SLC9A7: variants seen among roughly 807,000 people sequenced by gnomAD.
The protein encoded by SLC9A7 is solute carrier family 9 member A7.
Under a neutral mutation model 52.6 loss-of-function variants are expected in SLC9A7, and 19 were observed. The ratio of observed to expected loss-of-function variants is 0.36; its 90% CI spans 0.25 to 0.53. The LOEUF (loss-of-function observed/expected upper bound fraction) is 0.53. Among genes scored for constraint, SLC9A7 ranks in the 20% least tolerant of loss-of-function variants. The pLI is 0.91. For synonymous variants in SLC9A7, 226 were observed against 252.1 expected (o/e 0.90, Z 0.98); for missense variants, 455 against 597.9 (o/e 0.76, Z 2.49).
chrX:46,645,159 T>C (rs1028687028), intron 11 of SLC9A7, among the ~76,000 whole-genome samples: 1 of 112,683 alleles, frequency 8.9e-6, no homozygotes, highest in Non-Finnish European at 1.9e-5. Context: ...GGAGATATCA[T>C]TAAACAGCAC....
chrX:46,653,610 T>A lies in SLC9A7; in HGVS notation c.1146A>T (p.Thr382=), dbSNP rs139984049. Residue 382 remains threonine (T), a splice_region_variant and synonymous_variant, in exon 8 of 17, where the codon ACA becomes ACT. Coordinates refer to ENST00000616978, the MANE Select transcript of SLC9A7 (RefSeq NM_001257291.2). ...GGTCCAAGAGTAGAAAAAACCTACC[T>A]GTAAATCCGCAGGCTTCTGCCAAGA... ...TFLLAEACGF[T]GVVAVLFCGI... The A allele has an allele frequency of 4.2e-6, 5 of 1,201,455 alleles. No individual in the cohort carries two copies. The African/African-American group carries it at 8.8e-5, about 21-fold the overall frequency.
At chrX:46,616,238 T>G (rs1942947446) in intron 15 of SLC9A7, among the ~76,000 whole-genome samples, 1 of 105,703 alleles carries the variant, frequency 9.5e-6, no homozygotes, top group South Asian at 4.3e-4. Flanking sequence ...GAGGATCACT[T>G]GAGCCTAGGG....
chrX:46,723,845 T>G (rs1944901287), intron 1 of SLC9A7, among the ~76,000 whole-genome samples: 1 of 111,955 alleles, frequency 8.9e-6, no homozygotes, highest in Non-Finnish European at 1.9e-5. Context: ...CCCAGCAATT[T>G]GGGAGGCTGA....
At chrX:46,627,233 G>A (rs755141693) in intron 14 of SLC9A7, among the ~76,000 whole-genome samples, 2 of 110,335 alleles carry the variant, frequency 1.8e-5, no homozygotes, top group Admixed American at 9.5e-5. Context: ...AGGATCCCTC[G>A]GGCCCAAGAG....
rs764957775 is a variant in SLC9A7 at position 46,606,924 on chromosome X, C to G, written c.*28G>C. ...TGTCCTCACCCCATCGGGAGCCTAC[C>G]CCATCGCGCCAGGGCTTGGGGGGAA... On this transcript the variant is annotated 3_prime_UTR_variant, in exon 17 of 17. Transcript: ENST00000616978. The G allele has an allele frequency of 3.1e-5, 38 of 1,208,155 alleles. No homozygotes were observed. Among genetic ancestry groups the G allele is most frequent in the Non-Finnish European group, 4.1e-5 (37 of 894,162 alleles).
At chrX:46,730,778 A>G (rs1329524658) in intron 1 of SLC9A7, among the ~76,000 whole-genome samples, 1 of 98,027 alleles carries the variant, frequency 1.0e-5, no homozygotes, top group Non-Finnish European at 2.1e-5. Context: ...AAACTTAGGA[A>G]ATGTACAAAA....
At chrX:46,656,666 T>C (rs1283633537) in intron 7 of SLC9A7, among the ~76,000 whole-genome samples, 1 of 111,120 alleles carries the variant, frequency 9.0e-6, no homozygotes, top group Non-Finnish European at 1.9e-5. Context: ...AAAGGAAGTT[T>C]AGAGAAAAAA....
chrX:46,671,906 G>C (rs1369504189), intron 4 of SLC9A7, among the ~76,000 whole-genome samples: 1 of 111,974 alleles, frequency 8.9e-6, no homozygotes, highest in Non-Finnish European at 1.9e-5. Flanking sequence ...CAGTCAAAGA[G>C]GGAGTGGGAG....
At chrX:46,689,928 T>C (rs181670697) in intron 1 of SLC9A7, among the ~76,000 whole-genome samples, 3 of 111,715 alleles carry the variant, frequency 2.7e-5, no homozygotes, top group African/African-American at 9.8e-5. Flanking sequence ...GCTTCATCCA[T>C]GTCCTTGCAA....
At chrX:46,714,767 T>G (rs1016266249) in intron 1 of SLC9A7, among the ~76,000 whole-genome samples, 1 of 112,012 alleles carries the variant, frequency 8.9e-6, no homozygotes, top group Non-Finnish European at 1.9e-5. Context: ...ATAAGTAGAT[T>G]ACATGGTATG....
At chrX:46,738,101 AAGAAAGAG>A (rs1921008064) in intron 1 of SLC9A7, among the ~76,000 whole-genome samples, 4 of 49,146 alleles carry the variant, frequency 8.1e-5, no homozygotes, top group South Asian at 7.2e-4. Flanking sequence ...GAAAGAAAGA[AAGAAAGAG>A]AAAAGAAAAG....
chrX:46,657,137 A>AG (rs1943713851), intron 7 of SLC9A7, among the ~76,000 whole-genome samples: 1 of 110,141 alleles, frequency 9.1e-6, no homozygotes, highest in Non-Finnish European at 1.9e-5. Flanking sequence ...TCATAAGTGA[A>AG]GGGGAAATAA....
In SLC9A7 at chrX:46,682,210, A is replaced by C. The variant is rs931553362; in HGVS notation, c.525+126T>G. Reference sequence around the variant, plus strand: ...TCATGGACCAAAAAGCTTTGTAACAAAACAGAGAGCCAGGAATGTTACGGA... The same window carrying C: ...TCATGGACCAAAAAGCTTTGTAACACAACAGAGAGCCAGGAATGTTACGGA... On this transcript the variant is annotated intron_variant, in intron 2 of 16. Transcript: ENST00000616978. 7 of 666,755 alleles carry C rather than the reference A, an allele frequency of 1.0e-5. No homozygotes were observed. The African/African-American group carries it at 1.5e-4, about 15-fold the overall frequency. The allele number at this position is 666,755 out of a possible 1,213,427, so 54.9% of individuals were successfully genotyped here. A position where few individuals can be genotyped will look rare whatever the true frequency, so the allele number is the denominator to read the frequency against.
intron 14 of SLC9A7, among the ~76,000 whole-genome samples, chrX:46,624,323 A>G (rs1252353059): frequency 8.9e-6 from 1 of 112,054 alleles, no homozygotes. Flanking sequence ...TGTGGGACTG[A>G]GTCCTTAACC....
intron 5 of SLC9A7, among the ~76,000 whole-genome samples, chrX:46,668,347 T>C (rs1168299009): frequency 9.0e-6 from 1 of 111,035 alleles, no homozygotes; most frequent in Non-Finnish European, 1.9e-5. Context: ...CTGTCTCTAC[T>C]AAAAATACAA....
rs761752217 is a variant in SLC9A7 at position 46,651,423 on chromosome X, A to C, written c.1148-19T>G. On this transcript the variant is annotated intron_variant, in intron 8 of 16. Coordinates refer to ENST00000616978, the MANE Select transcript of SLC9A7 (RefSeq NM_001257291.2). The stretch of plus-strand genomic sequence containing the variant: ...ACAACACCTGTTAAAACATCCCCCC[A>C]AAAAAAATCAATGGAAAAAAAAGAG... 1.3e-4 allele frequency: 144 copies of C among 1,122,772 alleles called. No homozygotes were observed. Among genetic ancestry groups the C allele is most frequent in the South Asian group, 1.9e-4 (10 of 51,292 alleles). 92.5% of individuals were successfully genotyped at this position (1,122,772 alleles called of 1,213,427 possible). A position where few individuals can be genotyped will look rare whatever the true frequency, so the allele number is the denominator to read the frequency against.
At chrX:46,715,886 G>A (rs1049202805) in intron 1 of SLC9A7, among the ~76,000 whole-genome samples, 1 of 111,812 alleles carries the variant, frequency 8.9e-6, no homozygotes, top group Non-Finnish European at 1.9e-5. Context: ...AAGCTATGAT[G>A]TTTGGTAGGT....
At chrX:46,663,097 G>A (rs758504536) in intron 5 of SLC9A7, among the ~76,000 whole-genome samples, 133 of 112,448 alleles carry the variant, frequency 1.2e-3, no homozygotes, top group African/African-American at 3.9e-3. Flanking sequence ...ACTTTGGGAG[G>A]CTGAGGCAGG....
chrX:46,683,431 G>A (rs952459478), intron 1 of SLC9A7, among the ~76,000 whole-genome samples: 2 of 111,388 alleles, frequency 1.8e-5, no homozygotes, highest in African/African-American at 6.5e-5. Context: ...ACACCCCTTG[G>A]GAAGTGAAAC....
Sources: allele counts gnomAD v4.1 joint callset (sites outside exome capture counted in the v4.1 genomes callset), GRCh38; gene constraint gnomAD v4.1.1; transcripts MANE v1.5; gene names NCBI Gene and HGNC (gene_info 2026-07-23, HGNC 2026-07-21).